The following HIPK2 variants were observed in gnomAD, a reference collection of about 807,000 sequenced individuals.
The protein encoded by HIPK2 is homeodomain-interacting protein kinase 2.
A neutral mutation model predicts 113.7 loss-of-function variants in HIPK2; 27 were observed. The ratio of observed to expected loss-of-function variants is 0.24; its 90% confidence interval spans 0.17 to 0.33. HIPK2 has a LOEUF of 0.33. Ranked by LOEUF, HIPK2 falls within the 10% of genes least tolerant of loss-of-function variation. HIPK2 has a pLI of 1.00. For synonymous variants in HIPK2, 631 were observed against 642.2 expected (o/e 0.98, Z 0.26); for missense variants, 1,257 against 1,588.0 (o/e 0.79, Z 3.54).
intron 2 of HIPK2, among the ~76,000 whole-genome samples, chr7:139,659,148 A>G (rs1344701862): frequency 6.6e-6 from 1 of 152,096 alleles, no homozygotes; most frequent in Non-Finnish European, 1.5e-5. Context: ...TTCACTGAGG[A>G]GCACTACCTT....
chr7:139,661,824 C>T (rs1801875909), intron 2 of HIPK2, among the ~76,000 whole-genome samples: 2 of 152,208 alleles, frequency 1.3e-5, no homozygotes, highest in South Asian at 4.1e-4. Flanking sequence ...GCTCTAAATA[C>T]TATGCTTTTC....
Position 139,596,953 on chromosome 7 carries a change from G to T in HIPK2, c.2481C>A (p.Ser827=), listed in dbSNP as rs1474765995. 2 of 1,607,878 alleles carry T rather than the reference G, an allele frequency of 1.2e-6. No individual in the cohort carries two copies. The highest frequency in any genetic ancestry group is 1.7e-5 in the Admixed American group (1 of 59,930). Reference sequence around the variant, plus strand: ...CCTTGACACGCTTGGATCGCTGTGGGGAGCTGATGGCCTGAGAGGAGGACA... The same window carrying T: ...CCTTGACACGCTTGGATCGCTGTGGTGAGCTGATGGCCTGAGAGGAGGACA... The part of the protein sequence containing the change: ...CEVSSSQAIS[S]PQRSKRVKEN... Residue 827 remains serine (S), a synonymous_variant, in exon 12 of 15, where the codon TCC becomes TCA. Transcript: ENST00000406875.
At chr7:139,775,113 C>G (rs1176625030) in intron 1 of HIPK2, among the ~76,000 whole-genome samples, 4 of 152,128 alleles carry the variant, frequency 2.6e-5, no homozygotes, top group Non-Finnish European at 5.9e-5. Flanking sequence ...TATACTTTTC[C>G]TGAGAAGAAT....
chr7:139,688,636 C>G (rs1198460217), intron 2 of HIPK2, among the ~76,000 whole-genome samples: 1 of 152,184 alleles, frequency 6.6e-6, no homozygotes, highest in Non-Finnish European at 1.5e-5. Context: ...ACAATCTTAG[C>G]ATCAAGTCCT....
intron 13 of HIPK2, among the ~76,000 whole-genome samples, chr7:139,582,621 AAG>A (rs1798704215): frequency 6.6e-6 from 1 of 152,242 alleles, no homozygotes; most frequent in African/African-American, 2.4e-5. Flanking sequence ...GTCAGGGAAA[AAG>A]AGCTTCGCCG....
intron 12 of HIPK2, among the ~76,000 whole-genome samples, chr7:139,587,436 C>T (rs986146796): frequency 5.5e-5 from 8 of 145,224 alleles, no homozygotes; most frequent in Non-Finnish European, 1.2e-4. Flanking sequence ...TTGCAGTGAG[C>T]CAAGATTGCA....
At chr7:139,605,367 G>T (rs140692723) in intron 9 of HIPK2, among the ~76,000 whole-genome samples, 1 of 152,056 alleles carries the variant, frequency 6.6e-6, no homozygotes, top group African/African-American at 2.4e-5. Context: ...GACACTTAAA[G>T]CATAGTCACT....
At chr7:139,607,260 CAATT>C (rs1423950708) in intron 9 of HIPK2, among the ~76,000 whole-genome samples, 4 of 151,098 alleles carry the variant, frequency 2.6e-5, no homozygotes, top group South Asian at 4.2e-4. Context: ...TACCAACACT[CAATT>C]AATAAGAATT....
At chr7:139,614,652 C>G (rs560704264) in intron 7 of HIPK2, 159 bp from the exon 8 acceptor site, 1 of 218,978 alleles carries the variant, frequency 4.6e-6, no homozygotes, top group African/African-American at 2.3e-5. Flanking sequence ...GGAGTGGAAA[C>G]ACGATTGAAA....
Position 139,566,585 on chromosome 7 carries a change from A to G in HIPK2, c.*6342T>C, listed in dbSNP as rs564390154. 16 of 152,356 alleles carry G rather than the reference A, an allele frequency of 1.1e-4. No homozygotes were observed. The highest frequency in any genetic ancestry group is 3.4e-4 in the African/African-American group (14 of 41,590). 9.4% of individuals were successfully genotyped at this position (152,356 alleles called of 1,614,324 possible). A position where few individuals can be genotyped will look rare whatever the true frequency, so the allele number is the denominator to read the frequency against. On this transcript the variant is annotated 3_prime_UTR_variant, in exon 15 of 15. Transcript: ENST00000406875. The surrounding 1 kb of genome is among the most constrained non-coding windows in gnomAD (Gnocchi z 4.1). ...GGAACCTTGGGGATTCTGGCCCATC[A>G]CTGCTTTATCCTTCCTTCAACACCT...
At chr7:139,612,828 C>A (rs79573109) in intron 9 of HIPK2, among the ~76,000 whole-genome samples, 27,771 of 152,034 alleles carry the variant, frequency 0.18, 3,245 homozygotes, top group Non-Finnish European at 0.27. Context: ...CCTTTTGGCT[C>A]TAAAAACTCA....
At chr7:139,656,757 CA>C (rs1801683911) in intron 2 of HIPK2, among the ~76,000 whole-genome samples, 1 of 152,326 alleles carries the variant, frequency 6.6e-6, no homozygotes, top group East Asian at 1.9e-4. Flanking sequence ...GTCATTTGTG[CA>C]CACCGCAATA....
intron 2 of HIPK2, among the ~76,000 whole-genome samples, chr7:139,656,999 T>C (rs1414478117): frequency 6.6e-6 from 1 of 151,942 alleles, no homozygotes; most frequent in African/African-American, 2.4e-5. Context: ...GCCTCTCGAG[T>C]AGCTGGGGTT....
chr7:139,615,099 A>G (rs936875323), intron 7 of HIPK2, among the ~76,000 whole-genome samples: 2 of 152,220 alleles, frequency 1.3e-5, no homozygotes, highest in Non-Finnish European at 2.9e-5. Flanking sequence ...GTGGGAGGAC[A>G]AATCCAGGGG....
chr7:139,622,516 T>A (rs1800269369), intron 6 of HIPK2, among the ~76,000 whole-genome samples: 1 of 152,132 alleles, frequency 6.6e-6, no homozygotes, highest in South Asian at 2.1e-4. Flanking sequence ...TATTTCAAGT[T>A]TTGGGTTTTA....
chr7:139,587,832 C>T (rs549925826), intron 12 of HIPK2, among the ~76,000 whole-genome samples: 1 of 151,974 alleles, frequency 6.6e-6, no homozygotes, highest in South Asian at 2.1e-4. Flanking sequence ...GAGCTGTGGT[C>T]GTGTCACTGC....
intron 1 of HIPK2, among the ~76,000 whole-genome samples, chr7:139,776,313 A>G (rs1187903280): frequency 6.6e-6 from 1 of 152,168 alleles, no homozygotes; most frequent in Non-Finnish European, 1.5e-5. Flanking sequence ...TACAGTCTAT[A>G]GGTTATTTAC....
At chr7:139,592,472 C>G (rs1029790728) in intron 12 of HIPK2, among the ~76,000 whole-genome samples, 1 of 152,212 alleles carries the variant, frequency 6.6e-6, no homozygotes, top group Non-Finnish European at 1.5e-5. Context: ...CATGGAGGCT[C>G]ACACCTGTAA....
chr7:139,687,057 G>T (rs1794247608), intron 2 of HIPK2, among the ~76,000 whole-genome samples: 1 of 152,130 alleles, frequency 6.6e-6, no homozygotes, highest in African/African-American at 2.4e-5. Context: ...CTCACTGAAG[G>T]CCCAGAAGAT....
Sources: allele counts gnomAD v4.1 joint callset (sites outside exome capture counted in the v4.1 genomes callset), GRCh38; gene constraint gnomAD v4.1.1; non-coding constraint Gnocchi (gnomAD v3.1); transcripts MANE v1.5; gene names NCBI Gene and HGNC (gene_info 2026-07-23, HGNC 2026-07-21).